Variants in PCBD2 observed in about 807,000 individuals in gnomAD.
PCBD2 encodes pterin-4-alpha-carbinolamine dehydratase 2.
A neutral mutation model predicts 16.4 loss-of-function variants in PCBD2; 12 were observed. That is an observed-to-expected ratio of 0.73 (90% CI 0.47 to 1.19). The LOEUF is 1.19. PCBD2 is among the 50% of genes most tolerant of loss of function. The probability of loss-of-function intolerance (pLI) is 0.00; values close to 1 mark genes in which losing one functional copy is unlikely to be tolerated. For synonymous variants in PCBD2, 58 were observed against 61.8 expected (o/e 0.94, Z 0.29); for missense variants, 138 against 156.8 (o/e 0.88, Z 0.64).
At chr5:134,959,726 G>A (rs942046648) in intron 3 of PCBD2, among the ~76,000 whole-genome samples, 1 of 152,026 alleles carries the variant, frequency 6.6e-6, no homozygotes, top group Non-Finnish European at 1.5e-5. Context: ...CAATACTCAC[G>A]TGACTTAATA....
Position 134,960,801 on chromosome 5 carries a change from C to A in PCBD2, c.*120C>A. The A allele has an allele frequency of 1.2e-6, 1 of 837,724 alleles. No homozygotes were observed. The highest frequency in any genetic ancestry group is 1.9e-6 in the Non-Finnish European group (1 of 537,140). 51.9% of individuals were successfully genotyped at this position (837,724 alleles called of 1,614,324 possible). A position where few individuals can be genotyped will look rare whatever the true frequency, so the allele number is the denominator to read the frequency against. ...CTTTTTTTTAAGACAGAGTGTTGCT[C>A]TGTCGCCCAGGCCAGAGTGCAGTGG... On this transcript the variant is annotated 3_prime_UTR_variant, in exon 4 of 4. Coordinates refer to ENST00000254908, the MANE Select transcript of PCBD2 (RefSeq NM_032151.5).
At position 134,947,807 on chromosome 5, in the gene PCBD2, A is replaced by G. The variant is rs541022581; in HGVS notation, c.217-11233A>G. 5.3e-5 allele frequency among the ~76,000 whole-genome samples: 8 copies of G among 152,000 alleles called. No homozygotes were observed. The East Asian group carries it at 1.5e-3, about 29-fold the overall frequency. On this transcript the variant is annotated intron_variant, in intron 2 of 3. Coordinates refer to ENST00000254908, the MANE Select transcript of PCBD2 (RefSeq NM_032151.5). ...TTTTATATAAAGTAGAATTTCTTAT[A>G]ATTTTATAATGATGACAGTACCAAG...
chr5:134,933,407 T>G (rs1179093494), intron 2 of PCBD2, among the ~76,000 whole-genome samples: 1 of 152,094 alleles, frequency 6.6e-6, no homozygotes, highest in African/African-American at 2.4e-5. Context: ...GGCTAATTTT[T>G]GTATTTTTTG....
chr5:134,955,108 T>C (rs1751399846), intron 2 of PCBD2, among the ~76,000 whole-genome samples: 1 of 151,856 alleles, frequency 6.6e-6, no homozygotes, highest in African/African-American at 2.4e-5. Context: ...TTTTTAATCT[T>C]CCGAGTTTAA....
intron 3 of PCBD2, among the ~76,000 whole-genome samples, chr5:134,959,829 C>T (rs1002315066): frequency 6.7e-6 from 1 of 150,198 alleles, no homozygotes; most frequent in African/African-American, 2.4e-5. Context: ...ATAATCAGTT[C>T]ATCAAGAAAC....
chr5:134,910,510 C>A, intron 2 of PCBD2, 44 bp downstream of exon 2: 2 of 1,596,050 alleles, frequency 1.3e-6, no homozygotes, highest in South Asian at 2.2e-5. Context: ...CTATTTTAGT[C>A]ACCTTAGGCC....
chr5:134,907,045 A>G (rs1391461706), intron 1 of PCBD2, among the ~76,000 whole-genome samples: 1 of 152,166 alleles, frequency 6.6e-6, no homozygotes, highest in African/African-American at 2.4e-5. Flanking sequence ...AGTGCATACC[A>G]CTGATCTTAG....
chr5:134,937,048 T>C (rs1199072326), intron 2 of PCBD2, among the ~76,000 whole-genome samples: 2 of 152,240 alleles, frequency 1.3e-5, no homozygotes, highest in African/African-American at 4.8e-5. Flanking sequence ...TAAAAGGCAA[T>C]GTTTAGCTTG....
At chr5:134,957,581 C>A (rs1751428524) in intron 2 of PCBD2, among the ~76,000 whole-genome samples, 1 of 152,090 alleles carries the variant, frequency 6.6e-6, no homozygotes, top group East Asian at 1.9e-4. Context: ...GCAGGAGGAT[C>A]CCTTGAGTGA....
intron 2 of PCBD2, among the ~76,000 whole-genome samples, chr5:134,952,860 A>G (rs1023622611): frequency 6.6e-6 from 1 of 151,680 alleles, no homozygotes; most frequent in Non-Finnish European, 1.5e-5. Context: ...GTTTCTATTT[A>G]TTCCTATATT....
intron 1 of PCBD2, among the ~76,000 whole-genome samples, chr5:134,908,606 A>G (rs1286718628): frequency 6.7e-6 from 1 of 149,462 alleles, no homozygotes. Flanking sequence ...CAGAGGTTGC[A>G]GTGAGCTGAG....
chr5:134,954,876 G>A (rs1751397215), intron 2 of PCBD2, among the ~76,000 whole-genome samples: 1 of 151,886 alleles, frequency 6.6e-6, no homozygotes, highest in Admixed American at 6.6e-5. Flanking sequence ...TGAGTAGCTG[G>A]GAGTACAGGT....
At chr5:134,924,239 G>T in intron 2 of PCBD2, 1 of 395,358 alleles carries the variant, frequency 2.5e-6, no homozygotes, top group Non-Finnish European at 4.5e-6. Context: ...GTGTGATTGG[G>T]TGTGTTATTA....
chr5:134,935,076 C>A (rs115856773), intron 2 of PCBD2, among the ~76,000 whole-genome samples: 3 of 152,178 alleles, frequency 2.0e-5, no homozygotes, highest in Non-Finnish European at 4.4e-5. Context: ...ACATTAAGAT[C>A]GGAAACCAAC....
chr5:134,948,098 G>A (rs545629324), intron 2 of PCBD2, among the ~76,000 whole-genome samples: 7 of 152,110 alleles, frequency 4.6e-5, no homozygotes, highest in African/African-American at 1.7e-4. Context: ...TTTAAAACCA[G>A]TGCTTCTGTT....
rs115956708 is a variant in PCBD2, at chr5:134,957,188, T to A, written c.217-1852T>A. ...TGAGGAGAATCGCTTCAATCCGGGATGCAAAGGCTGCCGTGAGCCAAGATA... is the reference window on the plus strand; with the variant it reads ...TGAGGAGAATCGCTTCAATCCGGGAAGCAAAGGCTGCCGTGAGCCAAGATA... On this transcript the variant is annotated intron_variant, in intron 2 of 3. Transcript: ENST00000254908. Among the ~76,000 whole-genome samples, 277 of 152,244 alleles carry A rather than the reference T, an allele frequency of 1.8e-3. 2 individuals are homozygous for A. Among genetic ancestry groups the A allele is most frequent in the African/African-American group, 5.7e-3 (236 of 41,542 alleles).
At chr5:134,942,003 G>A (rs1231875232) in intron 2 of PCBD2, among the ~76,000 whole-genome samples, 4 of 150,206 alleles carry the variant, frequency 2.7e-5, no homozygotes, top group Non-Finnish European at 5.9e-5. Context: ...GGTGGCGGGT[G>A]CCTGTAGTCC....
At chr5:134,928,395 C>A in intron 2 of PCBD2, 1 of 363,410 alleles carries the variant, frequency 2.8e-6, no homozygotes, top group South Asian at 1.3e-4. Context: ...TATACCAATT[C>A]GGCTCAGTCT....
chr5:134,949,040 C>T (rs1385246590), intron 2 of PCBD2, among the ~76,000 whole-genome samples: 2 of 152,018 alleles, frequency 1.3e-5, no homozygotes, highest in Admixed American at 6.6e-5. Flanking sequence ...AGACTAGTGG[C>T]TTAGGATTGG....
Sources: allele counts gnomAD v4.1 joint callset (sites outside exome capture counted in the v4.1 genomes callset), GRCh38; gene constraint gnomAD v4.1.1; transcripts MANE v1.5; gene names NCBI Gene and HGNC (gene_info 2026-07-23, HGNC 2026-07-21).